NOMO2: variants seen among roughly 807,000 people sequenced by gnomAD.
NOMO2 encodes NODAL modulator 2, also known as BOS complex subunit NOMO2.
In NOMO2, 14 loss-of-function variants were observed where a neutral mutation model predicts 67.1. That is an observed-to-expected ratio of 0.21 (90% CI 0.14 to 0.33). The LOEUF is 0.33. Ranked by LOEUF, NOMO2 falls within the 10% of genes least tolerant of loss-of-function variation. NOMO2 has a pLI of 1.00. For synonymous variants in NOMO2, 80 were observed against 305.9 expected (o/e 0.26, Z 7.71); for missense variants, 178 against 761.0 (o/e 0.23, Z 9.01).
At chr16:18,562,098 G>A (rs1462559498), upstream of NOMO2, 5 of 1,372,342 alleles carry the variant, frequency 3.6e-6, no homozygotes, top group Middle Eastern at 2.7e-4. Flanking sequence ...CCCTCACACT[G>A]CACGCCGCAG....
At position 18,538,539 on chromosome 16, in the gene NOMO2, T is replaced by A; in HGVS notation, c.1207A>T (p.Ile403Phe). The A allele has an allele frequency of 1.9e-6, 3 of 1,613,626 alleles. No individual in the cohort carries two copies. Among genetic ancestry groups the A allele is most frequent in the Non-Finnish European group, 8.5e-7 (1 of 1,179,760 alleles). ...CGATAAGCTTACCCTGTTGCAACAA[T>A]GTCAGCCAGCTGAGGTGTGTTCGGT... ...IAPNTPQLAD[I>F]VATGFSVCGR... The change falls in exon 11 of 31, where the codon ATT (isoleucine) becomes TTT (phenylalanine). Residue 403 changes from isoleucine to phenylalanine, a missense_variant. By Grantham distance (21) the Ile-to-Phe change is conservative. Transcript: ENST00000622306.
intron 13 of NOMO2, 46 bp downstream of exon 13, chr16:18,531,420 T>C (rs1269704183): frequency 1.2e-6 from 2 of 1,613,194 alleles, no homozygotes; most frequent in African/African-American, 2.7e-5. Flanking sequence ...TCCTACTGGC[T>C]GACTTCTTTG....
intron 3 of NOMO2, among the ~76,000 whole-genome samples, chr16:18,554,215 C>G (rs1596861455): frequency 6.6e-6 from 1 of 152,038 alleles, no homozygotes. Context: ...CGTGCCAGCC[C>G]CTCTGAACAC....
At chr16:18,556,816 T>C (rs9927160) in intron 2 of NOMO2, among the ~76,000 whole-genome samples, 90,201 of 150,768 alleles carry the variant, frequency 0.6, 26,102 homozygotes, top group Non-Finnish European at 0.67. Flanking sequence ...AGCAATCTGT[T>C]AGGATGCCCA....
intron 16 of NOMO2, among the ~76,000 whole-genome samples, chr16:18,526,045 G>A (rs1049249610): frequency 3.9e-5 from 6 of 151,938 alleles, no homozygotes; most frequent in Admixed American, 3.9e-4. Context: ...GTAGCCAAAG[G>A]CAGCTGAACT....
intron 3 of NOMO2, among the ~76,000 whole-genome samples, chr16:18,551,788 A>G: frequency 6.6e-6 from 1 of 151,398 alleles, no homozygotes; most frequent in Non-Finnish European, 1.5e-5. Context: ...TTTAGAGTAT[A>G]AAATAATTTT....
At chr16:18,544,183 C>T (rs1441725077) in intron 6 of NOMO2, among the ~76,000 whole-genome samples, 1 of 151,748 alleles carries the variant, frequency 6.6e-6, no homozygotes, top group Non-Finnish European at 1.5e-5. Context: ...TGTGAGCCAC[C>T]GTGCCTGGCT....
In NOMO2 at chr16:18,531,682, A is replaced by G. The variant is rs567980345; in HGVS notation, c.1396-75T>C. ...CCCCTGACCTACAGGGCGCTAGAAC[A>G]TTCATCTGGGACTAAGGCTAAAGAG... On this transcript the variant is annotated intron_variant, in intron 12 of 30. Coordinates refer to ENST00000622306, the MANE Select transcript of NOMO2 (RefSeq NM_173614.4). 787 of 1,598,978 alleles carry G rather than the reference A, an allele frequency of 4.9e-4. 5 individuals carry two copies. In the African/African-American group the frequency reaches 9.4e-3, roughly 19 times the overall value.
chr16:18,553,490 G>A (rs1265661153), intron 3 of NOMO2, among the ~76,000 whole-genome samples: 1 of 151,158 alleles, frequency 6.6e-6, no homozygotes, highest in Non-Finnish European at 1.5e-5. Flanking sequence ...ATTTGTAGAA[G>A]GTCAGGGTGG....
intron 3 of NOMO2, among the ~76,000 whole-genome samples, chr16:18,553,631 C>G (rs1425333663): frequency 6.9e-6 from 1 of 144,288 alleles, no homozygotes; most frequent in Non-Finnish European, 1.5e-5. Context: ...AAAATTCATC[C>G]AAGGCACTTT....
intron 5 of NOMO2, among the ~76,000 whole-genome samples, chr16:18,547,692 TGGGAA>T (rs1171951027): frequency 2.6e-5 from 4 of 151,282 alleles, no homozygotes; most frequent in Non-Finnish European, 5.9e-5. Context: ...AGGAAACACA[TGGGAA>T]GGGAGAAGTG....
intron 2 of NOMO2, among the ~76,000 whole-genome samples, chr16:18,555,539 C>G (rs1901884008): frequency 6.6e-6 from 1 of 150,822 alleles, no homozygotes; most frequent in Non-Finnish European, 1.5e-5. Flanking sequence ...TGTCTCTAAA[C>G]AATACATTAA....
chr16:18,558,720 C>G, intron 1 of NOMO2: 1 of 404,270 alleles, frequency 2.5e-6, no homozygotes, highest in Non-Finnish European at 5.2e-6. Flanking sequence ...CAGTAAGATG[C>G]CCAAATGCCA....
chr16:18,539,883 T>G (rs1901509994), intron 9 of NOMO2, among the ~76,000 whole-genome samples: 3 of 152,114 alleles, frequency 2.0e-5, no homozygotes, highest in Admixed American at 2.0e-4. Context: ...CACCTGTGCT[T>G]TCTCTGCAGT....
intron 10 of NOMO2, 28 bp from the exon 11 acceptor site, chr16:18,538,704 G>T (rs1296928884): frequency 2.5e-6 from 4 of 1,613,670 alleles, no homozygotes; most frequent in Non-Finnish European, 3.4e-6. Flanking sequence ...ACAAACAGAA[G>T]ATAAGCCAAA....
intron 16 of NOMO2, among the ~76,000 whole-genome samples, chr16:18,525,513 A>G: frequency 6.6e-6 from 1 of 151,664 alleles, no homozygotes; most frequent in Admixed American, 6.6e-5. Context: ...ATCCTTCCCC[A>G]GGGAAGCAAT....
Position 18,528,992 on chromosome 16 carries a change from CAT to C in NOMO2, c.1806+507_1806+508del, listed in dbSNP as rs60355905. Among the ~76,000 whole-genome samples the C allele has an allele frequency of 7.2e-3, 89 of 12,322 alleles. 2 individuals are homozygous for C. The highest frequency in any genetic ancestry group is 0.021 in the African/African-American group (79 of 3,688). 8.1% of individuals were successfully genotyped at this position (12,322 alleles called of 152,430 possible). ...CAAAAAAAAAAAAAAAAAAAAAATA[CAT>C]ATATATATATATATATATATATATA... On this transcript the variant is annotated intron_variant, in intron 15 of 30. Coordinates refer to ENST00000622306, the MANE Select transcript of NOMO2 (RefSeq NM_173614.4).
intron 2 of NOMO2, 135 bp downstream of exon 2, chr16:18,557,567 C>T (rs1901936690): frequency 6.3e-7 from 1 of 1,596,140 alleles, no homozygotes; most frequent in East Asian, 2.2e-5. Context: ...CCAAATGTGA[C>T]TAGGATTATC....
At chr16:18,556,704 A>T (rs964361349) in intron 2 of NOMO2, among the ~76,000 whole-genome samples, 3 of 152,234 alleles carry the variant, frequency 2.0e-5, no homozygotes, top group Non-Finnish European at 4.4e-5. Flanking sequence ...GATTGTATAG[A>T]GGTGTTTGTG....
Sources: gnomAD v4.1 joint callset for allele counts (sites outside exome capture counted in the v4.1 genomes callset) on GRCh38, gnomAD v4.1.1 for gene constraint, MANE v1.5 for transcripts, NCBI Gene and HGNC (gene_info 2026-07-23, HGNC 2026-07-21) for gene names.